The following CNOT10 variants were observed in gnomAD, a reference collection of about 807,000 sequenced individuals.
CNOT10 encodes CCR4-NOT transcription complex subunit 10, also known as CCR4-NOT transcription complex, subunit 10.
In CNOT10, 30 loss-of-function variants were observed where a neutral mutation model predicts 94.6. The observed-to-expected ratio is 0.32, with a 90% CI of 0.24 to 0.43. The LOEUF (loss-of-function observed/expected upper bound fraction) is 0.43. Ranked by LOEUF, CNOT10 falls within the 20% of genes least tolerant of loss-of-function variation. The pLI, the probability that CNOT10 is intolerant of heterozygous loss-of-function variation, is 1.00. For synonymous variants in CNOT10, 289 were observed against 301.6 expected (o/e 0.96, Z 0.43); for missense variants, 759 against 877.2 (o/e 0.87, Z 1.70).
chr3:32,719,211 T>C (rs1220022711), intron 7 of CNOT10, among the ~76,000 whole-genome samples: 1 of 152,088 alleles, frequency 6.6e-6, no homozygotes, highest in Admixed American at 6.6e-5. Flanking sequence ...ATCGCGCCAC[T>C]GCACTCTAGC....
chr3:32,729,183 A>T (rs1698824258), intron 10 of CNOT10, among the ~76,000 whole-genome samples: 1 of 152,230 alleles, frequency 6.6e-6, no homozygotes, highest in South Asian at 2.1e-4. Flanking sequence ...GTTTCAGTAA[A>T]TGATACAGAG....
At chr3:32,764,549 T>G (rs1700584779) in intron 16 of CNOT10, 59 bp downstream of exon 16, 1 of 1,605,184 alleles carries the variant, frequency 6.2e-7, no homozygotes, top group Non-Finnish European at 8.5e-7. Flanking sequence ...AAATTTAGAT[T>G]CTAAATCTTC....
intron 13 of CNOT10, among the ~76,000 whole-genome samples, chr3:32,741,768 C>CAAAA (rs529423159): frequency 1.2e-5 from 1 of 86,544 alleles, no homozygotes; most frequent in African/African-American, 4.5e-5. Context: ...GACTCCGTCT[C>CAAAA]AAAAAAAAAA....
chr3:32,693,826 G>C (rs940917957), intron 1 of CNOT10, among the ~76,000 whole-genome samples: 14 of 152,134 alleles, frequency 9.2e-5, no homozygotes, highest in African/African-American at 3.4e-4. Flanking sequence ...ACAGGTGTGA[G>C]CCACCATGCC....
At chr3:32,692,572 G>A (rs1393729538) in intron 1 of CNOT10, among the ~76,000 whole-genome samples, 1 of 152,184 alleles carries the variant, frequency 6.6e-6, no homozygotes. Context: ...TTGAGGTGCT[G>A]ACAGGAACAT....
At chr3:32,720,311 A>T in intron 8 of CNOT10, 80 bp downstream of exon 8, 1 of 583,196 alleles carries the variant, frequency 1.7e-6, no homozygotes, top group Non-Finnish European at 3.1e-6. Flanking sequence ...CCCAACACCC[A>T]GTCTTTTGAG....
chr3:32,766,112 TCTC>T lies in CNOT10; in HGVS notation c.2004+1306_2004+1308del, dbSNP rs1413466846. ...CCTCCGCCTCCCGGGTTCAAACACT[TCTC>T]CTGCGTCAGCCTCCCAAGTAGCTGG... is the stretch of plus-strand genomic sequence containing the variant. On this transcript the variant is annotated intron_variant, in intron 17 of 18. Transcript: ENST00000328834. Among the ~76,000 whole-genome samples the T allele has an allele frequency of 4.7e-4, 21 of 44,720 alleles. 9 individuals are homozygous for T. Among genetic ancestry groups the T allele is most frequent in the Admixed American group, 1.6e-3 (5 of 3,184 alleles). The allele number at this position is 44,720 out of a possible 152,430, so 29.3% of individuals were successfully genotyped here.
At chr3:32,686,370 C>A (rs974741408) in intron 1 of CNOT10, among the ~76,000 whole-genome samples, 1 of 152,116 alleles carries the variant, frequency 6.6e-6, no homozygotes, top group Non-Finnish European at 1.5e-5. Flanking sequence ...AAGAAAAACT[C>A]AGTGTGCTGT....
At chr3:32,689,851 A>G (rs1299237208) in intron 1 of CNOT10, among the ~76,000 whole-genome samples, 1 of 152,122 alleles carries the variant, frequency 6.6e-6, no homozygotes, top group East Asian at 1.9e-4. Context: ...GCTACTCCAG[A>G]GTCTGAGATG....
intron 17 of CNOT10, among the ~76,000 whole-genome samples, chr3:32,767,612 A>T (rs1700707324): frequency 6.6e-6 from 1 of 151,244 alleles, no homozygotes; most frequent in Non-Finnish European, 1.5e-5. Context: ...ATGCTTTACC[A>T]TGTGAAAAAT....
At chr3:32,724,556 G>C (rs549261458) in intron 8 of CNOT10, among the ~76,000 whole-genome samples, 1 of 151,926 alleles carries the variant, frequency 6.6e-6, no homozygotes, top group African/African-American at 2.4e-5. Context: ...GGGACTACAC[G>C]CGCCCGCCAC....
chr3:32,770,848 G>A (rs1700872133), intron 18 of CNOT10, among the ~76,000 whole-genome samples: 2 of 151,858 alleles, frequency 1.3e-5, no homozygotes, highest in Non-Finnish European at 2.9e-5. Context: ...CAAGTAGCTG[G>A]GATTACAGGC....
rs1055538325 is a variant in CNOT10 at position 32,708,372 on chromosome 3, A to G, written c.280-298A>G. ...ATCCTACTCAGAAGTGGTGTTACCA[A>G]TTGAAACAGGGAAGATAGCTTCACA... is the stretch of plus-strand genomic sequence containing the variant. On this transcript the variant is annotated intron_variant, in intron 3 of 18. Coordinates refer to ENST00000328834, the MANE Select transcript of CNOT10 (RefSeq NM_015442.3). Among the ~76,000 whole-genome samples, 39 of 152,310 alleles carry G rather than the reference A, an allele frequency of 2.6e-4. 1 individual carries two copies. Among genetic ancestry groups the G allele is most frequent in the Admixed American group, 1.3e-4 (2 of 15,294 alleles).
At chr3:32,694,791 A>T (rs1696981646) in intron 1 of CNOT10, among the ~76,000 whole-genome samples, 1 of 152,086 alleles carries the variant, frequency 6.6e-6, no homozygotes, top group Admixed American at 6.6e-5. Flanking sequence ...GGGTTTCACC[A>T]TGTTGGTCGG....
intron 1 of CNOT10, chr3:32,695,654 A>G (rs2125497215): frequency 6.5e-7 from 1 of 1,536,092 alleles, no homozygotes; most frequent in East Asian, 2.4e-5. Context: ...AAGACTGTCA[A>G]GGTTTGTGGG....
chr3:32,753,172 A>G (rs759281223), intron 13 of CNOT10: 106 of 642,970 alleles, frequency 1.6e-4, no homozygotes, highest in Middle Eastern at 1.2e-3. Context: ...GAACATGTGA[A>G]TACTATGAAA....
chr3:32,735,680 C>G (rs2125582447), intron 12 of CNOT10, among the ~76,000 whole-genome samples: 1 of 152,292 alleles, frequency 6.6e-6, no homozygotes, highest in Admixed American at 6.5e-5. Flanking sequence ...GCACTCCATC[C>G]AGCCTGGTGA....
At chr3:32,745,985 C>T (rs1250740136) in intron 13 of CNOT10, among the ~76,000 whole-genome samples, 1 of 152,200 alleles carries the variant, frequency 6.6e-6, no homozygotes, top group Non-Finnish European at 1.5e-5. Context: ...AAGTGAGACC[C>T]TGTCTCAAAC....
chr3:32,725,382 C>T, intron 8 of CNOT10, 68 bp from the exon 9 acceptor site: 2 of 1,215,778 alleles, frequency 1.6e-6, no homozygotes, highest in Admixed American at 3.4e-5. Context: ...AAGATGAGCC[C>T]AATTCTTGTC....
Sources: gnomAD v4.1 joint callset for allele counts (sites outside exome capture counted in the v4.1 genomes callset) on GRCh38, gnomAD v4.1.1 for gene constraint, MANE v1.5 for transcripts, NCBI Gene and HGNC (gene_info 2026-07-23, HGNC 2026-07-21) for gene names.